Variants in SLC24A4 observed in about 807,000 individuals in gnomAD.
SLC24A4 encodes the protein solute carrier family 24 member 4.
A neutral mutation model predicts 79.0 loss-of-function variants in SLC24A4; 53 were observed. The observed-to-expected ratio is 0.67, with a 90% CI of 0.54 to 0.84. The LOEUF is 0.84. SLC24A4 is among the 40% of genes least tolerant of loss of function. The pLI is 0.00. For synonymous variants in SLC24A4, 323 were observed against 323.8 expected, an observed-to-expected ratio of 1.00 and a Z score of 0.03; for missense variants, 731 against 822.0, an observed-to-expected ratio of 0.89 and a Z score of 1.35.
intron 12 of SLC24A4, among the ~76,000 whole-genome samples, chr14:92,460,330 G>C (rs926609903): frequency 3.9e-5 from 6 of 152,158 alleles, no homozygotes; most frequent in Non-Finnish European, 8.8e-5. Context: ...TAGCAAATCA[G>C]ATACTTTAGT....
intron 2 of SLC24A4, among the ~76,000 whole-genome samples, chr14:92,368,378 A>G (rs935145649): frequency 6.6e-6 from 1 of 152,192 alleles, no homozygotes; most frequent in Non-Finnish European, 1.5e-5. Context: ...CATCTGCCTC[A>G]TTTAGGAGAT....
intron 10 of SLC24A4, chr14:92,450,755 G>A (rs963340874): frequency 1.8e-4 from 27 of 152,614 alleles, no homozygotes; most frequent in African/African-American, 6.3e-4. Context: ...GTGAAGAAGA[G>A]AAGTATTGTG....
chr14:92,448,574 C>G (rs1325890342), intron 9 of SLC24A4, among the ~76,000 whole-genome samples: 1 of 152,184 alleles, frequency 6.6e-6, no homozygotes, highest in African/African-American at 2.4e-5. Context: ...GATCTCCACT[C>G]TGAGTGCCTT....
intron 2 of SLC24A4, among the ~76,000 whole-genome samples, chr14:92,337,480 C>T (rs1272867254): frequency 1.3e-5 from 2 of 152,194 alleles, no homozygotes; most frequent in African/African-American, 4.8e-5. Flanking sequence ...CCCTGGCTGA[C>T]CCCTCTAGCC....
chr14:92,425,460 T>A (rs61977279), intron 2 of SLC24A4, among the ~76,000 whole-genome samples: 13,051 of 152,272 alleles, frequency 0.086, 577 homozygotes, highest in East Asian at 0.095. Flanking sequence ...AGAAGGTGGC[T>A]GTCATTGGCA....
At chr14:92,426,823 T>C (rs190027773) in intron 2 of SLC24A4, among the ~76,000 whole-genome samples, 25 of 152,308 alleles carry the variant, frequency 1.6e-4, no homozygotes, top group African/African-American at 6.0e-4. Flanking sequence ...CTAAAACATA[T>C]ACCTTATATA....
At chr14:92,418,558 G>T (rs1156919820) in intron 2 of SLC24A4, among the ~76,000 whole-genome samples, 1 of 152,154 alleles carries the variant, frequency 6.6e-6, no homozygotes, top group Admixed American at 6.5e-5. Flanking sequence ...GATTATAGGG[G>T]CTGGCAAGTC....
intron 12 of SLC24A4, among the ~76,000 whole-genome samples, chr14:92,478,162 A>G (rs1894873807): frequency 6.6e-6 from 1 of 152,242 alleles, no homozygotes; most frequent in Non-Finnish European, 1.5e-5. Context: ...TAATTGTGAT[A>G]AAACATAATT....
At position 92,456,432 on chromosome 14, in the gene SLC24A4, G is replaced by C; in HGVS notation, c.1079G>C (p.Gly360Ala). ...CAGAGACTGATCAACTCGGCCAATG[G>C]TGTGAGCAGTAAGCCGCTTCAAAAC... ...ERQRLINSAN[G>A]VSSKPLQNGR... The change falls in exon 12 of 17, where the codon GGT becomes GCT. Residue 360 changes from glycine to alanine, a missense_variant. Coordinates refer to ENST00000532405, the MANE Select transcript of SLC24A4 (RefSeq NM_153646.4). The C allele has an allele frequency of 3.1e-6, 5 of 1,614,236 alleles. No homozygotes were observed. Among genetic ancestry groups the C allele is most frequent in the Non-Finnish European group, 4.2e-6 (5 of 1,180,040 alleles).
intron 2 of SLC24A4, among the ~76,000 whole-genome samples, chr14:92,395,367 G>A (rs1236555717): frequency 6.6e-6 from 1 of 151,688 alleles, no homozygotes; most frequent in East Asian, 1.9e-4. Context: ...AGTGTCTGGG[G>A]CTTAATCAGA....
intron 2 of SLC24A4, among the ~76,000 whole-genome samples, chr14:92,401,430 G>C (rs529629892): frequency 3.3e-5 from 5 of 152,304 alleles, no homozygotes; most frequent in African/African-American, 7.2e-5. Flanking sequence ...CTGTGGGCTA[G>C]TATGGCCTAA....
intron 2 of SLC24A4, among the ~76,000 whole-genome samples, chr14:92,331,696 C>T (rs1490713462): frequency 1.3e-5 from 2 of 152,204 alleles, no homozygotes; most frequent in Non-Finnish European, 2.9e-5. Context: ...CTTTTTCCAT[C>T]TGTAAAATGA....
At chr14:92,360,507 T>A (rs994121777) in intron 2 of SLC24A4, among the ~76,000 whole-genome samples, 12 of 152,256 alleles carry the variant, frequency 7.9e-5, no homozygotes, top group Non-Finnish European at 1.5e-5. Flanking sequence ...GTACTATTTA[T>A]CCATTTGCAG....
intron 2 of SLC24A4, among the ~76,000 whole-genome samples, chr14:92,427,871 GT>G (rs1891654507): frequency 6.6e-6 from 1 of 152,176 alleles, no homozygotes; most frequent in African/African-American, 2.4e-5. Context: ...GGTCATAGAG[GT>G]GGAGTCTTCA....
chr14:92,345,671 C>T (rs760460312), intron 2 of SLC24A4, among the ~76,000 whole-genome samples: 9 of 151,794 alleles, frequency 5.9e-5, no homozygotes, highest in Non-Finnish European at 8.8e-5. Context: ...CACTGCACTG[C>T]GGCCTGGGTG....
Position 92,398,015 on chromosome 14 carries a change from C to CT in SLC24A4, c.242-35896dup, listed in dbSNP as rs1188347433. Among the ~76,000 whole-genome samples the CT allele has an allele frequency of 6.6e-6, 1 of 152,208 alleles. No homozygotes were observed. Among genetic ancestry groups the CT allele is most frequent in the Non-Finnish European group, 1.5e-5 (1 of 68,038 alleles). The stretch of plus-strand genomic sequence containing the variant: ...ACGCAACCAATAACGAGACTCTCCC[C>CT]TATGCCAGGCCCTGCGCACATGTGA... On this transcript the variant is annotated intron_variant, in intron 2 of 16. Transcript: ENST00000532405. This position sits in a 1 kb window ranked among gnomAD's most constrained non-coding sequence, Gnocchi z 4.1.
chr14:92,350,545 C>T (rs1886807595), intron 2 of SLC24A4, among the ~76,000 whole-genome samples: 1 of 152,186 alleles, frequency 6.6e-6, no homozygotes, highest in African/African-American at 2.4e-5. Flanking sequence ...AGGATCCCCT[C>T]CCTAATCATC....
At chr14:92,359,562 A>C (rs1240267002) in intron 2 of SLC24A4, among the ~76,000 whole-genome samples, 1 of 152,140 alleles carries the variant, frequency 6.6e-6, no homozygotes, top group African/African-American at 2.4e-5. Flanking sequence ...TCGCACCATT[A>C]CACTCCCACC....
At chr14:92,410,350 T>C (rs983062476) in intron 2 of SLC24A4, among the ~76,000 whole-genome samples, 2 of 152,186 alleles carry the variant, frequency 1.3e-5, no homozygotes, top group Admixed American at 6.5e-5. Flanking sequence ...TGACTAATTT[T>C]TAAATTTTTT....
Sources: gnomAD v4.1 joint callset for allele counts (sites outside exome capture counted in the v4.1 genomes callset) on GRCh38, gnomAD v4.1.1 for gene constraint, Gnocchi (gnomAD v3.1) non-coding constraint, MANE v1.5 for transcripts, NCBI Gene and HGNC (gene_info 2026-07-23, HGNC 2026-07-21) for gene names.